SGCD: variants seen among roughly 807,000 people sequenced by gnomAD.
SGCD encodes the protein delta-sarcoglycan.
A neutral mutation model predicts 36.6 loss-of-function variants in SGCD; 18 were observed. The observed-to-expected ratio is 0.49, with a 90% CI of 0.34 to 0.73. SGCD has a LOEUF of 0.73. Ranked by LOEUF, SGCD falls within the 30% of genes least tolerant of loss-of-function variation. The pLI, the probability that SGCD is intolerant of heterozygous loss-of-function variation, is 0.01. For synonymous variants in SGCD, 133 were observed against 130.6 expected (o/e 1.02, Z -0.12); for missense variants, 387 against 346.7 (o/e 1.12, Z -0.92).
chr5:156,126,179 C>A (rs994149946), intron 3 of SGCD, among the ~76,000 whole-genome samples: 1 of 152,224 alleles, frequency 6.6e-6, no homozygotes, highest in South Asian at 2.1e-4. Flanking sequence ...CCATGCCCGG[C>A]CTTTCCACAT....
intron 3 of SGCD, among the ~76,000 whole-genome samples, chr5:156,321,448 TAAAC>T (rs1321540770): frequency 1.3e-5 from 2 of 151,978 alleles, no homozygotes; most frequent in Admixed American, 6.6e-5. Flanking sequence ...AATAAATAAA[TAAAC>T]AAATAAATAA....
At chr5:156,395,887 A>G (rs1348912083) in intron 3 of SGCD, among the ~76,000 whole-genome samples, 3 of 152,196 alleles carry the variant, frequency 2.0e-5, no homozygotes, top group Non-Finnish European at 4.4e-5. Flanking sequence ...CAAATTTGCT[A>G]ATTCAAAACT....
intron 3 of SGCD, among the ~76,000 whole-genome samples, chr5:156,398,813 A>AG (rs1483803266): frequency 6.6e-6 from 1 of 152,188 alleles, no homozygotes; most frequent in African/African-American, 2.4e-5. Flanking sequence ...AGGGTGGCAG[A>AG]GCCCCCATTA....
chr5:156,463,416 C>T (rs2127819787), intron 3 of SGCD, among the ~76,000 whole-genome samples: 1 of 152,202 alleles, frequency 6.6e-6, no homozygotes, highest in East Asian at 1.9e-4. Context: ...ATAGTCTTGG[C>T]TTTCAAGCAC....
chr5:156,261,884 A>G (rs1420432915), intron 3 of SGCD, among the ~76,000 whole-genome samples: 5 of 152,224 alleles, frequency 3.3e-5, no homozygotes, highest in African/African-American at 1.2e-4. Flanking sequence ...GTAAAAATTA[A>G]AATTTAAAAA....
intron 3 of SGCD, among the ~76,000 whole-genome samples, chr5:156,195,120 T>C (rs908068842): frequency 6.6e-6 from 1 of 152,222 alleles, no homozygotes; most frequent in African/African-American, 2.4e-5. Context: ...TCTGTTTCCA[T>C]TGTAAATGGT....
At chr5:156,509,750 A>G in intron 4 of SGCD, among the ~76,000 whole-genome samples, 1 of 152,178 alleles carries the variant, frequency 6.6e-6, no homozygotes, top group East Asian at 1.9e-4. Flanking sequence ...ATTCCTACAT[A>G]CATACCTTGC....
intron 8 of SGCD, 138 bp from the exon 9 acceptor site, chr5:156,759,079 C>A: frequency 1.5e-6 from 1 of 649,364 alleles, no homozygotes; most frequent in Non-Finnish European, 2.7e-6. Context: ...TCCAAATCCC[C>A]AGTACCAAAA....
chr5:156,374,360 A>T (rs1770546753), intron 3 of SGCD, among the ~76,000 whole-genome samples: 1 of 152,184 alleles, frequency 6.6e-6, no homozygotes, highest in South Asian at 2.1e-4. Flanking sequence ...ACACGTGACC[A>T]ACTATAGCAT....
At chr5:156,519,810 A>G (rs1434510408) in intron 4 of SGCD, among the ~76,000 whole-genome samples, 1 of 152,226 alleles carries the variant, frequency 6.6e-6, no homozygotes, top group Admixed American at 6.5e-5. Flanking sequence ...AATAAAATTC[A>G]ACATTCCTTC....
chr5:155,947,971 A>G (rs1207938699), intron 1 of SGCD, among the ~76,000 whole-genome samples: 1 of 152,070 alleles, frequency 6.6e-6, no homozygotes, highest in Non-Finnish European at 1.5e-5. Context: ...GATTATAAAG[A>G]TTTCATCATA....
At chr5:156,297,811 T>G (rs1395023262) in intron 3 of SGCD, among the ~76,000 whole-genome samples, 1 of 151,614 alleles carries the variant, frequency 6.6e-6, no homozygotes, top group East Asian at 1.9e-4. Context: ...AATAAATAAA[T>G]AAATAAATAA....
Position 156,767,422 on chromosome 5 carries a change from G to T in SGCD, c.*8032G>T, listed in dbSNP as rs184996860. On this transcript the variant is annotated 3_prime_UTR_variant, in exon 9 of 9. Coordinates refer to ENST00000337851, the MANE Select transcript of SGCD (RefSeq NM_000337.6). The stretch of plus-strand genomic sequence containing the variant: ...GGCTAGATGCGCTTCTGAAGAAGCC[G>T]GATTCTGATGTTCTTAACCAAAATG... 1 of 150,046 alleles carries T rather than the reference G, an allele frequency of 6.7e-6. No individual in the cohort carries two copies. The highest frequency in any genetic ancestry group is 1.5e-5 in the Non-Finnish European group (1 of 67,752). The allele number at this position is 150,046 out of a possible 1,614,324, so 9.3% of individuals were successfully genotyped here.
chr5:156,069,083 C>G (rs1240072164), intron 1 of SGCD, among the ~76,000 whole-genome samples: 1 of 152,108 alleles, frequency 6.6e-6, no homozygotes, highest in African/African-American at 2.4e-5. Context: ...TGCCTGTTCA[C>G]TCTGATGGTA....
chr5:156,207,279 A>T (rs181746950), intron 3 of SGCD, among the ~76,000 whole-genome samples: 11 of 152,260 alleles, frequency 7.2e-5, no homozygotes, highest in Admixed American at 7.2e-4. Context: ...AAGTTGTAAT[A>T]GGAAAAAATT....
intron 7 of SGCD, among the ~76,000 whole-genome samples, chr5:156,728,388 G>A (rs1222711236): frequency 6.6e-6 from 1 of 151,614 alleles, no homozygotes; most frequent in Non-Finnish European, 1.5e-5. Flanking sequence ...GGCAATGCCT[G>A]TAATCCCAGC....
the SGCD span, among the ~76,000 whole-genome samples, chr5:155,850,451 A>G: frequency 7.2e-5 from 11 of 152,160 alleles, no homozygotes; most frequent in Non-Finnish European, 1.3e-4. Context: ...AATCACTCAC[A>G]TGGAAGTCTG....
At chr5:156,558,443 T>A (rs1039502456) in intron 4 of SGCD, among the ~76,000 whole-genome samples, 7 of 152,164 alleles carry the variant, frequency 4.6e-5, no homozygotes, top group African/African-American at 1.4e-4. Flanking sequence ...GTCATGTTGC[T>A]GTTAGTTTTG....
At chr5:155,989,794 C>T (rs1758397389) in intron 1 of SGCD, among the ~76,000 whole-genome samples, 1 of 152,182 alleles carries the variant, frequency 6.6e-6, no homozygotes, top group South Asian at 2.1e-4. Context: ...TTCATCTGAT[C>T]AGCCACAACT....
Sources: allele counts gnomAD v4.1 joint callset (sites outside exome capture counted in the v4.1 genomes callset), GRCh38; gene constraint gnomAD v4.1.1; transcripts MANE v1.5; gene names NCBI Gene and HGNC (gene_info 2026-07-23, HGNC 2026-07-21).